RORA: variants seen among roughly 807,000 people sequenced by gnomAD.
RORA encodes the protein RAR related orphan receptor A.
A neutral mutation model predicts 69.5 loss-of-function variants in RORA; 7 were observed. The observed-to-expected ratio is 0.10, with a 90% CI of 0.06 to 0.19. RORA has a LOEUF of 0.19. Among genes scored for constraint, RORA ranks in the 10% least tolerant of loss-of-function variants. The pLI, the probability that RORA is intolerant of heterozygous loss-of-function variation, is 1.00. For missense variants in RORA, 457 were observed against 663.0 expected, an observed-to-expected ratio of 0.69 and a Z score of 3.41; for synonymous variants, 261 against 240.8, an observed-to-expected ratio of 1.08 and a Z score of -0.78.
chr15:60,609,352 A>G (rs1489508417), intron 2 of RORA, among the ~76,000 whole-genome samples: 2 of 152,188 alleles, frequency 1.3e-5, no homozygotes, highest in African/African-American at 4.8e-5. Context: ...GCAAAATAAC[A>G]TGGAACATTA....
chr15:60,912,962 A>C (rs765189533), intron 1 of RORA, among the ~76,000 whole-genome samples: 35 of 152,244 alleles, frequency 2.3e-4, no homozygotes, highest in Admixed American at 9.2e-4. Flanking sequence ...TTTTTAGTAA[A>C]TGTATAGAGT....
chr15:61,171,950 G>A (rs1034908568), intron 1 of RORA, among the ~76,000 whole-genome samples: 1 of 152,212 alleles, frequency 6.6e-6, no homozygotes, highest in Non-Finnish European at 1.5e-5. Flanking sequence ...TCTCAAGTGT[G>A]CTTCAGTGGT....
intron 1 of RORA, among the ~76,000 whole-genome samples, chr15:60,819,917 TCCTGCCTGCTTC>T (rs940497229): frequency 3.9e-5 from 6 of 152,158 alleles, no homozygotes; most frequent in East Asian, 1.9e-4. Context: ...TCTGAACCGA[TCCTGCCTGCTTC>T]CCTGCCTGCT....
intron 2 of RORA, among the ~76,000 whole-genome samples, chr15:60,582,719 G>C (rs568839278): frequency 1.3e-5 from 2 of 152,336 alleles, no homozygotes; most frequent in African/African-American, 4.8e-5. Context: ...TCAGAAATCT[G>C]TAAGAGCACA....
In RORA at chr15:60,492,004, C is replaced by G. The variant is rs559643203; in HGVS notation, c.*5451G>C. The G allele has an allele frequency of 1.9e-4, 15 of 76,934 alleles. No homozygotes were observed. The highest frequency in any genetic ancestry group is 3.7e-4 in the Non-Finnish European group (14 of 37,412). 4.8% of individuals were successfully genotyped at this position (76,934 alleles called of 1,614,324 possible). On this transcript the variant is annotated 3_prime_UTR_variant, in exon 11 of 11. Coordinates refer to ENST00000335670, the MANE Select transcript of RORA (RefSeq NM_134261.3). ...TCATAACTTTATAAGAAGTGGCAAT[C>G]ACATGTTATGTAAAAATGTCAACGT...
At chr15:60,654,456 A>G (rs923448345) in intron 2 of RORA, among the ~76,000 whole-genome samples, 9 of 152,206 alleles carry the variant, frequency 5.9e-5, no homozygotes, top group South Asian at 2.1e-4. Context: ...CTCCCTTGCT[A>G]TGCAACTAGG....
At chr15:61,028,657 C>G (rs938834243) in intron 1 of RORA, among the ~76,000 whole-genome samples, 2 of 152,190 alleles carry the variant, frequency 1.3e-5, no homozygotes, top group Non-Finnish European at 2.9e-5. Context: ...CTAGCAGGAT[C>G]TGGCCTAGTC....
intron 2 of RORA, among the ~76,000 whole-genome samples, chr15:60,597,796 G>A (rs952407615): frequency 6.7e-6 from 1 of 150,362 alleles, no homozygotes; most frequent in Non-Finnish European, 1.5e-5. Context: ...TAGCCTGATG[G>A]AGTAGGAACT....
At chr15:61,160,269 G>A (rs890590380) in intron 1 of RORA, among the ~76,000 whole-genome samples, 5 of 152,098 alleles carry the variant, frequency 3.3e-5, no homozygotes, top group African/African-American at 7.2e-5. Flanking sequence ...CTCATAAAGC[G>A]GTTCCCTGTT....
intron 3 of RORA, among the ~76,000 whole-genome samples, chr15:60,520,665 T>C (rs1259084983): frequency 2.0e-5 from 3 of 151,792 alleles, no homozygotes; most frequent in African/African-American, 2.4e-5. Context: ...TTGGAGGTCA[T>C]ACAGAGAGCA....
At chr15:60,558,075 T>G in intron 2 of RORA, 1 of 452,064 alleles carries the variant, frequency 2.2e-6, no homozygotes, top group South Asian at 5.8e-5. Context: ...AAGAGAGAAT[T>G]AAATATGGGT....
At chr15:60,503,808 TTA>T in intron 6 of RORA, 141 bp from the exon 7 acceptor site, 4 of 990,672 alleles carry the variant, frequency 4.0e-6, no homozygotes, top group Non-Finnish European at 5.7e-6. Flanking sequence ...TTATTTTATT[TTA>T]TTTTATTTTT....
intron 1 of RORA, among the ~76,000 whole-genome samples, chr15:60,826,809 C>T (rs1257424414): frequency 6.7e-6 from 1 of 149,728 alleles, no homozygotes; most frequent in East Asian, 2.0e-4. Flanking sequence ...TAAAGACACA[C>T]CTGTTCTTTT....
chr15:60,550,817 G>C (rs1282082147), intron 2 of RORA, among the ~76,000 whole-genome samples: 1 of 152,084 alleles, frequency 6.6e-6, no homozygotes, highest in Non-Finnish European at 1.5e-5. Context: ...AAATTTCATG[G>C]AAGACAGGCA....
intron 1 of RORA, among the ~76,000 whole-genome samples, chr15:61,163,672 AC>A (rs2079516591): frequency 6.6e-6 from 1 of 152,190 alleles, no homozygotes; most frequent in Non-Finnish European, 1.5e-5. Context: ...GAGAGGAGTC[AC>A]AGCTGCTGAT....
At chr15:61,097,292 T>C (rs1243315618) in intron 1 of RORA, among the ~76,000 whole-genome samples, 1 of 152,184 alleles carries the variant, frequency 6.6e-6, no homozygotes, top group Non-Finnish European at 1.5e-5. Flanking sequence ...AATATCTAAA[T>C]TGTAATAGGC....
At chr15:60,702,687 T>C (rs1354071458) in intron 1 of RORA, among the ~76,000 whole-genome samples, 3 of 152,246 alleles carry the variant, frequency 2.0e-5, no homozygotes, top group African/African-American at 7.2e-5. Flanking sequence ...AAGGATTAAC[T>C]GAAACAATGC....
intron 1 of RORA, among the ~76,000 whole-genome samples, chr15:60,881,292 T>A (rs1256386334): frequency 6.6e-6 from 1 of 152,242 alleles, no homozygotes; most frequent in Non-Finnish European, 1.5e-5. Flanking sequence ...CTCTGCTGTT[T>A]CCAGCCCCAC....
At chr15:61,058,712 C>CACTTTGTATCTTA (rs1246711564) in intron 1 of RORA, among the ~76,000 whole-genome samples, 1 of 152,178 alleles carries the variant, frequency 6.6e-6, no homozygotes. Flanking sequence ...TAGGGCCTAG[C>CACTTTGTATCTTA]ACTTTGTATC....
Sources: allele counts gnomAD v4.1 joint callset (sites outside exome capture counted in the v4.1 genomes callset), GRCh38; gene constraint gnomAD v4.1.1; transcripts MANE v1.5; gene names NCBI Gene and HGNC (gene_info 2026-07-23, HGNC 2026-07-21).